Variants in PSMG4 observed in about 807,000 individuals in gnomAD.
PSMG4 encodes the protein proteasome (prosome, macropain) assembly chaperone 4.
PSMG4 carries 10 observed loss-of-function variants against 11.0 expected under a neutral mutation model. That is an observed-to-expected ratio of 0.91 (90% confidence interval 0.56 to 1.54). The LOEUF is 1.54. PSMG4 is among the 40% of genes most tolerant of loss of function. PSMG4 has a pLI of 0.00. For missense variants in PSMG4, 198 were observed against 160.9 expected, an observed-to-expected ratio of 1.23 and a Z score of -1.25; for synonymous variants, 95 against 71.3, an observed-to-expected ratio of 1.33 and a Z score of -1.68.
rs984475530 is a variant in PSMG4, at chr6:3,259,064, G to A, written c.42G>A (p.Leu14=). ...LVVAAGGDVS[L]HNFSARLWEQ... is the part of the protein sequence containing the mutation. ...TCGCCGCCGGCGGGGACGTCTCCCT[G>A]CACAACTTCAGCGCGAGGCTGTGGG... Residue 14 remains leucine (L), a synonymous_variant, in exon 1 of 3, where the codon CTG becomes CTA. Coordinates refer to ENST00000438998, the MANE Select transcript of PSMG4 (RefSeq NM_001128591.2). 10 of 1,266,818 alleles carry A rather than the reference G, an allele frequency of 7.9e-6. No individual in the cohort carries two copies. The African/African-American group carries it at 1.1e-4, about 14-fold the overall frequency. 78.5% of individuals were successfully genotyped at this position (1,266,818 alleles called of 1,614,324 possible). A position where few individuals can be genotyped will look rare whatever the true frequency, so the allele number is the denominator to read the frequency against.
chr6:3,262,919 G>C (rs539620160), intron 1 of PSMG4, among the ~76,000 whole-genome samples: 2 of 151,622 alleles, frequency 1.3e-5, no homozygotes, highest in African/African-American at 4.8e-5. Flanking sequence ...GTCTCAAGCA[G>C]TCCTCCCTCC....
At chr6:3,262,647 G>A (rs910115503) in intron 1 of PSMG4, among the ~76,000 whole-genome samples, 1 of 152,078 alleles carries the variant, frequency 6.6e-6, no homozygotes, top group Non-Finnish European at 1.5e-5. Flanking sequence ...GGACAGTTGG[G>A]GTGGCAGGGG....
chr6:3,256,066 C>T (rs528813031), upstream of PSMG4, among the ~76,000 whole-genome samples: 2 of 152,266 alleles, frequency 1.3e-5, no homozygotes, highest in East Asian at 3.9e-4. Context: ...AATTAAATAG[C>T]AATATGAAGT....
chr6:3,263,830 G>A (rs1427520972), intron 2 of PSMG4, 71 bp downstream of exon 2: 14 of 1,517,290 alleles, frequency 9.2e-6, no homozygotes, highest in African/African-American at 1.4e-5. Flanking sequence ...CATGAAGCAA[G>A]TCCCTTCGGA....
upstream of PSMG4, among the ~76,000 whole-genome samples, chr6:3,258,558 T>G (rs984102718): frequency 1.3e-5 from 2 of 152,200 alleles, no homozygotes. Flanking sequence ...CTTTTTAAAT[T>G]TTTAATTAAA....
chr6:3,256,545 G>T (rs939907381), upstream of PSMG4, among the ~76,000 whole-genome samples: 1 of 152,238 alleles, frequency 6.6e-6, no homozygotes, highest in African/African-American at 2.4e-5. Flanking sequence ...ACGGCACATG[G>T]TGGTGCCGGG....
chr6:3,258,526 G>A (rs4504512), upstream of PSMG4, among the ~76,000 whole-genome samples: 104,053 of 152,166 alleles, frequency 0.68, 38,779 homozygotes, highest in Non-Finnish European at 0.83. Flanking sequence ...CAGAGTGCTT[G>A]AAGAACTAAT....
At chr6:3,254,724 AAAAC>A (rs1757685643), upstream of PSMG4, among the ~76,000 whole-genome samples, 2 of 152,204 alleles carry the variant, frequency 1.3e-5, no homozygotes, top group Admixed American at 1.3e-4. Flanking sequence ...GACACCAGAA[AAAAC>A]AAACTCCCCC....
chr6:3,254,925 C>T (rs79292108), upstream of PSMG4: 3,377 of 1,059,362 alleles, frequency 3.2e-3, 86 homozygotes, highest in Admixed American at 0.054. Context: ...GTGCTTCAGC[C>T]ATTCTCTCAC....
upstream of PSMG4, among the ~76,000 whole-genome samples, chr6:3,254,896 G>A (rs923980515): frequency 2.0e-5 from 3 of 150,722 alleles, no homozygotes; most frequent in Admixed American, 6.6e-5. Flanking sequence ...GACCTTGTAA[G>A]TGAATGATCT....
upstream of PSMG4, among the ~76,000 whole-genome samples, chr6:3,254,626 G>T (rs185485017): frequency 6.6e-6 from 1 of 152,134 alleles, no homozygotes; most frequent in Non-Finnish European, 1.5e-5. Flanking sequence ...TTTAAGAGGT[G>T]TAACACTGAT....
intron 2 of PSMG4, 132 bp downstream of exon 2, chr6:3,263,891 A>C (rs1008025141): frequency 2.1e-6 from 3 of 1,461,212 alleles, no homozygotes; most frequent in Non-Finnish European, 2.7e-6. Context: ...GCTGGGAAGC[A>C]CAGACCTTTG....
At chr6:3,258,544 C>A (rs1353995836), upstream of PSMG4, among the ~76,000 whole-genome samples, 2 of 152,154 alleles carry the variant, frequency 1.3e-5, no homozygotes, top group African/African-American at 4.8e-5. Context: ...AATTAAAAAT[C>A]AGTCTTTTTA....
At chr6:3,254,644 G>A (rs28605441), upstream of PSMG4, among the ~76,000 whole-genome samples, 3,932 of 152,188 alleles carry the variant, frequency 0.026, 103 homozygotes, top group African/African-American at 0.066. Flanking sequence ...GATTGTGAAG[G>A]CCTACAGCTT....
At chr6:3,265,543 G>C (rs536722699) in intron 2 of PSMG4, 2 of 152,262 alleles carry the variant, frequency 1.3e-5, no homozygotes, top group Admixed American at 1.3e-4. Flanking sequence ...TACCAGGGGG[G>C]CCCCCTTAGG....
chr6:3,267,788 C>A lies in PSMG4; in HGVS notation c.*76C>A. ...ATAAATGGATTGAATTTCAGTTTGTCATCAGGCCGCGCTCCCGTTTTGTTT... is the reference window on the plus strand; with the variant it reads ...ATAAATGGATTGAATTTCAGTTTGTAATCAGGCCGCGCTCCCGTTTTGTTT... On this transcript the variant is annotated 3_prime_UTR_variant, in exon 3 of 3. Coordinates refer to ENST00000438998, the MANE Select transcript of PSMG4 (RefSeq NM_001128591.2). 1 of 1,428,328 alleles carries A rather than the reference C, an allele frequency of 7.0e-7. No individual in the cohort carries two copies. The highest frequency in any genetic ancestry group is 1.3e-5 in the South Asian group (1 of 78,138). The allele number at this position is 1,428,328 out of a possible 1,614,324, so 88.5% of individuals were successfully genotyped here.
Position 3,267,677 on chromosome 6 carries a change from A to G in PSMG4, c.337A>G (p.Lys113Glu). Residue 113 changes from lysine to glutamate, a missense_variant, in exon 3 of 3, where the codon AAG (lysine) becomes GAG (glutamate). By Grantham distance (56) the Lys-to-Glu change is moderately conservative. Coordinates refer to ENST00000438998, the MANE Select transcript of PSMG4 (RefSeq NM_001128591.2). ...NFALLVENRI[K>E]EEMEAFPEKF ...CGCATTACTTGTAGAAAACAGGATC[A>G]AGGAAGAGATGGAGGCTTTCCCCGA... The G allele has an allele frequency of 6.4e-7, 1 of 1,552,300 alleles. No homozygotes were observed. Among genetic ancestry groups the G allele is most frequent in the Non-Finnish European group, 8.7e-7 (1 of 1,147,066 alleles).
chr6:3,262,508 C>G (rs1758027273), intron 1 of PSMG4, among the ~76,000 whole-genome samples: 1 of 152,122 alleles, frequency 6.6e-6, no homozygotes, highest in Non-Finnish European at 1.5e-5. Context: ...GTTTTTTGAT[C>G]TCCTGCCTTT....
upstream of PSMG4, among the ~76,000 whole-genome samples, chr6:3,256,248 T>C (rs1479693999): frequency 1.3e-5 from 2 of 152,190 alleles, no homozygotes; most frequent in African/African-American, 4.8e-5. Flanking sequence ...AGGGCACAGA[T>C]CCAATGTGGG....
Sources: allele counts gnomAD v4.1 joint callset (sites outside exome capture counted in the v4.1 genomes callset), GRCh38; gene constraint gnomAD v4.1.1; transcripts MANE v1.5; gene names NCBI Gene and HGNC (gene_info 2026-07-23, HGNC 2026-07-21).